The following SLC17A3 variants were observed in gnomAD, a reference collection of about 807,000 sequenced individuals.
SLC17A3 encodes the protein solute carrier family 17 member 3.
Under a neutral mutation model 60.3 loss-of-function variants are expected in SLC17A3, and 61 were observed. That is an observed-to-expected ratio of 1.01 (90% CI 0.82 to 1.25). SLC17A3 has a LOEUF of 1.25. Ranked by LOEUF, SLC17A3 falls within the 50% of genes most tolerant of loss-of-function variation. The pLI is 0.00. For missense variants in SLC17A3, 624 were observed against 594.9 expected (o/e 1.05, Z -0.51); for synonymous variants, 192 against 208.9 (o/e 0.92, Z 0.70).
intron 6 of SLC17A3, among the ~76,000 whole-genome samples, chr6:25,851,651 A>G (rs1319103071): frequency 6.6e-6 from 1 of 152,136 alleles, no homozygotes; most frequent in East Asian, 1.9e-4. Context: ...TAAAGAGACT[A>G]TCCTTTATCT....
At chr6:25,856,388 A>T (rs535631384) in intron 5 of SLC17A3, among the ~76,000 whole-genome samples, 54 of 152,282 alleles carry the variant, frequency 3.5e-4, no homozygotes, top group African/African-American at 1.3e-3. Context: ...GGTGCATGCC[A>T]CCACACTTGG....
At position 25,862,305 on chromosome 6, in the gene SLC17A3, A is replaced by G; in HGVS notation, c.231T>C (p.Asn77=). 1 of 1,613,866 alleles carries G rather than the reference A, an allele frequency of 6.2e-7. No individual in the cohort carries two copies. Among genetic ancestry groups the G allele is most frequent in the Non-Finnish European group, 8.5e-7 (1 of 1,179,818 alleles). ...VNSTSPQSQL[N]DSSEVLPVDS... ...CAACAGGCAGCACCTCAGAGGAATCATTGAGCTGGGATTGAGGGCTTGTGC... is the reference window on the plus strand; with the variant it reads ...CAACAGGCAGCACCTCAGAGGAATCGTTGAGCTGGGATTGAGGGCTTGTGC... Residue 77 remains asparagine, a synonymous_variant, in exon 3 of 13, where the codon AAT becomes AAC. Transcript: ENST00000397060.
chr6:25,868,332 T>C lies in SLC17A3; in HGVS notation c.56A>G (p.Asp19Gly). ...GATCAGTGTCTCATCCACTTGCATA[T>C]CTTGTGCGTTCTTGCTCTCCCTTGC... The part of the protein sequence containing the change: ...PTARESKNAQ[D>G]MQVDETLIPR... Residue 19 changes from aspartate to glycine, a missense_variant, in exon 2 of 13, where the codon GAT becomes GGT. Asp to Gly is a moderately conservative substitution (Grantham distance 94, BLOSUM62 -1). Coordinates refer to ENST00000397060, the MANE Select transcript of SLC17A3 (RefSeq NM_001098486.2). The C allele has an allele frequency of 2.5e-6, 4 of 1,612,142 alleles. No homozygotes were observed. The highest frequency in any genetic ancestry group is 2.5e-6 in the Non-Finnish European group (3 of 1,178,756).
At chr6:25,854,327 G>A (rs1456274589) in intron 6 of SLC17A3, among the ~76,000 whole-genome samples, 1 of 152,070 alleles carries the variant, frequency 6.6e-6, no homozygotes, top group Non-Finnish European at 1.5e-5. Context: ...TCTGTCATTA[G>A]GTGCATATAC....
At chr6:25,846,492 G>A (rs1367382419) in intron 11 of SLC17A3, among the ~76,000 whole-genome samples, 2 of 152,164 alleles carry the variant, frequency 1.3e-5, no homozygotes, top group East Asian at 1.9e-4. Flanking sequence ...TTCTATGAAA[G>A]GCAAGAATGG....
chr6:25,850,775 G>T lies in SLC17A3; in HGVS notation c.815C>A (p.Ser272Tyr). 1 of 1,613,332 alleles carries T rather than the reference G, an allele frequency of 6.2e-7. No individual in the cohort carries two copies. Among genetic ancestry groups the T allele is most frequent in the Non-Finnish European group, 8.5e-7 (1 of 1,179,276 alleles). Residue 272 changes from serine (S) to tyrosine (Y), a missense_variant, in exon 7 of 13, where the codon TCC becomes TAC. By Grantham distance (144) the Ser-to-Tyr change is moderately radical (BLOSUM62 -2). Transcript: ENST00000397060. Reference protein sequence around the residue: ...ISTSEKEYIISSLKQQVGSSK... With the variant: ...ISTSEKEYIIYSLKQQVGSSK... ...TATATGTACCTGTTGTTTCAAGGAGGATATGATGTATTCTTTTTCTGAGGT... is the reference window on the plus strand; with the variant it reads ...TATATGTACCTGTTGTTTCAAGGAGTATATGATGTATTCTTTTTCTGAGGT...
intron 11 of SLC17A3, among the ~76,000 whole-genome samples, chr6:25,848,923 G>C (rs2151518725): frequency 6.6e-6 from 1 of 152,240 alleles, no homozygotes; most frequent in Non-Finnish European, 1.5e-5. Context: ...CCATCAAAAA[G>C]TGGGCTAAGG....
At chr6:25,847,420 AT>A in intron 11 of SLC17A3, among the ~76,000 whole-genome samples, 2 of 152,280 alleles carry the variant, frequency 1.3e-5, no homozygotes, top group African/African-American at 4.8e-5. Context: ...TCTTTTGGGT[AT>A]ATACCCAGTA....
intron 11 of SLC17A3, among the ~76,000 whole-genome samples, chr6:25,848,357 C>A (rs1765213031): frequency 6.6e-6 from 1 of 152,188 alleles, no homozygotes; most frequent in African/African-American, 2.4e-5. Flanking sequence ...AGTTTACATT[C>A]CTACCAATAG....
chr6:25,865,787 T>A (rs926316361), intron 2 of SLC17A3, among the ~76,000 whole-genome samples: 1 of 152,016 alleles, frequency 6.6e-6, no homozygotes, highest in African/African-American at 2.4e-5. Context: ...AGTGATGTGC[T>A]GTCTGTTAAA....
chr6:25,859,536 C>A (rs990368854), intron 5 of SLC17A3, among the ~76,000 whole-genome samples: 3 of 152,204 alleles, frequency 2.0e-5, no homozygotes, highest in Non-Finnish European at 4.4e-5. Context: ...ACTGGAGATA[C>A]CCATTCTGTC....
chr6:25,850,924 T>C (rs1480925095), intron 6 of SLC17A3, 47 bp from the exon 7 acceptor site: 1 of 1,340,018 alleles, frequency 7.5e-7, no homozygotes, highest in Non-Finnish European at 1.1e-6. Flanking sequence ...TTCTGCTTTT[T>C]GGGTGAACTT....
chr6:25,853,293 T>TTCTCTC (rs58714145), intron 6 of SLC17A3, among the ~76,000 whole-genome samples: 1 of 150,816 alleles, frequency 6.6e-6, no homozygotes, highest in African/African-American at 2.4e-5. Context: ...TTATCTCTCT[T>TTCTCTC]TCTCTCTCTC....
intron 1 of SLC17A3, among the ~76,000 whole-genome samples, chr6:25,871,209 A>G (rs1024879781): frequency 1.8e-4 from 28 of 152,098 alleles, no homozygotes; most frequent in Non-Finnish European, 2.6e-4. Flanking sequence ...TTGTGGCACT[A>G]TTCACAATAG....
chr6:25,850,241 A>G (rs1338982147), intron 8 of SLC17A3, 64 bp from the exon 9 acceptor site: 2 of 1,507,708 alleles, frequency 1.3e-6, no homozygotes, highest in Non-Finnish European at 1.8e-6. Flanking sequence ...TTTTGTTGAT[A>G]AATTACTACT....
At chr6:25,850,905 T>A (rs753907846) in intron 6 of SLC17A3, 28 bp from the exon 7 acceptor site, 1 of 1,565,668 alleles carries the variant, frequency 6.4e-7, no homozygotes, top group African/African-American at 1.4e-5. Context: ...ATTTGGTAAA[T>A]GGGCTGTTTT....
At position 25,849,380 on chromosome 6, in the gene SLC17A3, AAG is replaced by A; in HGVS notation, c.1354_1355del (p.Leu452Ter). 5 of 1,596,808 alleles carry A rather than the reference AAG, an allele frequency of 3.1e-6. No homozygotes were observed. Among genetic ancestry groups the A allele is most frequent in the Non-Finnish European group, 4.3e-6 (5 of 1,164,608 alleles). On this transcript the variant is annotated frameshift_variant, in exon 11 of 13. Transcript: ENST00000397060. LOFTEE classifies it high-confidence loss of function. ...VIVPTVSGFL[L>X]SQDPEFGWRN... ...CATGACAAAAAAATTGTACCTGACT[AAG>A]AAGAAATCCACTGACAGTGGGTACA...
rs766677580 is a variant in SLC17A3, at chr6:25,850,055, T to G, written c.1116A>C (p.Thr372=). The change falls in exon 9 of 13, where the codon ACA becomes ACC. Residue 372 remains threonine (T), a synonymous_variant. Transcript: ENST00000397060. ...CTCAAGCTCTGTTCTTACCTAAAAT[T>G]GTGGCAATTTTCCTCACAGTGATGA... ...FRLITVRKIA[T]ILGSLPSSAL... is the part of the protein sequence containing the mutation. 3.8e-5 allele frequency: 62 copies of G among 1,613,864 alleles called. 1 individual carries two copies. The South Asian group carries it at 6.7e-4, about 17-fold the overall frequency.
rs1206409900 is a variant in SLC17A3 at position 25,845,448 on chromosome 6, G to A, written c.1431C>T (p.Phe477=). 8 of 1,613,980 alleles carry A rather than the reference G, an allele frequency of 5.0e-6. No homozygotes were observed. The East Asian group carries it at 1.8e-4, about 36-fold the overall frequency. ...LFAVNLLGLL[F]YLIFGEADVQ... ...CATCTGCTTCTCCAAATATGAGGTA[G>A]AAGAGTAGTCCTAACAGGTTAACGG... Residue 477 remains phenylalanine (F), a synonymous_variant, in exon 12 of 13, where the codon TTC becomes TTT. Transcript: ENST00000397060.
Sources: allele counts gnomAD v4.1 joint callset (sites outside exome capture counted in the v4.1 genomes callset), GRCh38; gene constraint gnomAD v4.1.1; transcripts MANE v1.5; gene names NCBI Gene and HGNC (gene_info 2026-07-23, HGNC 2026-07-21).